ARFGEF3: variants seen among roughly 807,000 people sequenced by gnomAD.
ARFGEF3 encodes ARFGEF family member 3.
ARFGEF3 carries 96 observed loss-of-function variants against 221.7 expected under a neutral mutation model. The ratio of observed to expected loss-of-function variants is 0.43; its 90% confidence interval spans 0.37 to 0.51. ARFGEF3 has a LOEUF of 0.51. Among genes scored for constraint, ARFGEF3 ranks in the 20% least tolerant of loss-of-function variants. The pLI is 0.00. For missense variants in ARFGEF3, 2,410 were observed against 2,789.9 expected, an observed-to-expected ratio of 0.86 and a Z score of 3.07; for synonymous variants, 1,145 against 1,126.8, an observed-to-expected ratio of 1.02 and a Z score of -0.32.
At chr6:138,173,833 C>A (rs1776886090) in intron 2 of ARFGEF3, among the ~76,000 whole-genome samples, 1 of 152,178 alleles carries the variant, frequency 6.6e-6, no homozygotes, top group Admixed American at 6.5e-5. Flanking sequence ...TGAATATACG[C>A]ATATGTACAT....
chr6:138,299,198 TAAAAAAAAA>T (rs60475752), intron 22 of ARFGEF3, among the ~76,000 whole-genome samples: 19 of 39,440 alleles, frequency 4.8e-4, no homozygotes, highest in East Asian at 1.2e-3. Context: ...CGAGACTCTG[TAAAAAAAAA>T]AAAAAAAAAA....
At chr6:138,307,497 G>A (rs1486249197) in intron 23 of ARFGEF3, 100 bp downstream of exon 23, 12 of 1,097,454 alleles carry the variant, frequency 1.1e-5, no homozygotes, top group African/African-American at 1.6e-5. Flanking sequence ...AAGACAGATT[G>A]TCAGCCATGT....
At chr6:138,232,807 C>A (rs1009530360) in intron 5 of ARFGEF3, among the ~76,000 whole-genome samples, 2 of 152,126 alleles carry the variant, frequency 1.3e-5, no homozygotes, top group African/African-American at 4.8e-5. Flanking sequence ...CCTTTAATTT[C>A]TGCCACAACT....
chr6:138,205,590 A>G (rs772729194), intron 2 of ARFGEF3, among the ~76,000 whole-genome samples: 2 of 152,244 alleles, frequency 1.3e-5, no homozygotes, highest in Non-Finnish European at 2.9e-5. Flanking sequence ...AATTGAGTGC[A>G]CTACAGTGTT....
At chr6:138,186,902 CTTTTTTT>C (rs71693484) in intron 2 of ARFGEF3, among the ~76,000 whole-genome samples, 23 of 76,044 alleles carry the variant, frequency 3.0e-4, no homozygotes, top group East Asian at 2.1e-3. Context: ...CATCCTTTTT[CTTTTTTT>C]TTTTTTTTTT....
At chr6:138,173,178 T>C (rs984974548) in intron 2 of ARFGEF3, among the ~76,000 whole-genome samples, 7 of 152,180 alleles carry the variant, frequency 4.6e-5, no homozygotes, top group South Asian at 4.1e-4. Context: ...AAGGTGTTTT[T>C]CAACTTGCTG....
chr6:138,317,175 A>G (rs1159006127), intron 26 of ARFGEF3, 76 bp from the exon 27 acceptor site: 11 of 1,529,802 alleles, frequency 7.2e-6, no homozygotes, highest in African/African-American at 2.8e-5. Context: ...TTTACATACA[A>G]TGTTTAATTG....
intron 14 of ARFGEF3, 54 bp downstream of exon 14, chr6:138,280,218 G>A (rs780847827): frequency 1.4e-5 from 22 of 1,551,440 alleles, no homozygotes; most frequent in Middle Eastern, 3.4e-4. Flanking sequence ...GACGGCTCAC[G>A]CTTTAAAGCC....
chr6:138,225,017 G>A (rs1045485240), intron 4 of ARFGEF3, among the ~76,000 whole-genome samples: 2 of 152,188 alleles, frequency 1.3e-5, no homozygotes, highest in African/African-American at 2.4e-5. Flanking sequence ...TGGGAGGGCA[G>A]TGGTAGGATG....
chr6:138,201,896 G>C (rs1224164582), intron 2 of ARFGEF3, among the ~76,000 whole-genome samples: 1 of 152,088 alleles, frequency 6.6e-6, no homozygotes, highest in East Asian at 1.9e-4. Context: ...CTCTTCCTTT[G>C]TTCCCTATTT....
intron 31 of ARFGEF3, among the ~76,000 whole-genome samples, chr6:138,324,637 AC>A (rs1780096915): frequency 6.6e-6 from 1 of 152,228 alleles, no homozygotes. Flanking sequence ...ATCATCATAT[AC>A]CAATGGCTTT....
At chr6:138,218,422 C>T in intron 4 of ARFGEF3, 2 of 1,509,238 alleles carry the variant, frequency 1.3e-6, no homozygotes, top group Non-Finnish European at 1.8e-6. Context: ...TGAATTGTAG[C>T]TCTGTAGCAT....
intron 8 of ARFGEF3, among the ~76,000 whole-genome samples, chr6:138,246,384 G>T (rs1052497726): frequency 6.6e-6 from 1 of 152,196 alleles, no homozygotes. Context: ...AAACTCACTT[G>T]TTGAATTTTA....
chr6:138,317,455 G>A (rs751806152), intron 27 of ARFGEF3, 76 bp downstream of exon 27: 15 of 1,562,128 alleles, frequency 9.6e-6, no homozygotes, highest in Admixed American at 3.6e-5. Flanking sequence ...TTCTGCAGGT[G>A]TCTGCCTGTT....
chr6:138,236,612 G>A (rs1422130782), intron 5 of ARFGEF3, among the ~76,000 whole-genome samples: 3 of 152,084 alleles, frequency 2.0e-5, no homozygotes, highest in Admixed American at 6.5e-5. Context: ...GACTATAGGC[G>A]TGCACCACCA....
chr6:138,323,778 A>G lies in ARFGEF3; in HGVS notation c.4869+5A>G. 2 of 1,611,862 alleles carry G rather than the reference A, an allele frequency of 1.2e-6. No individual in the cohort carries two copies. Among genetic ancestry groups the G allele is most frequent in the Non-Finnish European group, 1.7e-6 (2 of 1,178,004 alleles). Reference sequence around the variant, plus strand: ...GCCACACTCAAGCCAGTGAAGGTACATCACTGGGAGGAAGCCCTCCCTGGC... The same window carrying G: ...GCCACACTCAAGCCAGTGAAGGTACGTCACTGGGAGGAAGCCCTCCCTGGC... On this transcript the variant is annotated splice_donor_5th_base_variant and intron_variant, in intron 30 of 33. Transcript: ENST00000251691.
At chr6:138,180,896 G>T (rs186616741) in intron 2 of ARFGEF3, among the ~76,000 whole-genome samples, 1 of 152,340 alleles carries the variant, frequency 6.6e-6, no homozygotes, top group African/African-American at 2.4e-5. Flanking sequence ...GCTGAAATCT[G>T]TGTTAGAAAT....
rs748354605 is a variant in ARFGEF3 at position 138,294,017 on chromosome 6, G to A, written c.3393G>A (p.Lys1131=). The A allele has an allele frequency of 2.7e-5, 43 of 1,613,850 alleles. No homozygotes were observed. The highest frequency in any genetic ancestry group is 3.5e-5 in the Non-Finnish European group (41 of 1,179,876). The change falls in exon 20 of 34, where the codon AAG becomes AAA. Residue 1131 remains lysine (K), a synonymous_variant. Transcript: ENST00000251691. ...GGCTCTTTGAAGATGCTACGGATAA[G>A]TTGAACCTCATGGCCTTGGGAGGTT... ...ADRLFEDATD[K]LNLMALGGFL...
chr6:138,193,045 T>TAA (rs993900004), intron 2 of ARFGEF3, among the ~76,000 whole-genome samples: 12 of 152,310 alleles, frequency 7.9e-5, no homozygotes, highest in Admixed American at 4.6e-4. Context: ...TTCAACTGGC[T>TAA]AAAGGTTAGT....
Sources: gnomAD v4.1 joint callset for allele counts (sites outside exome capture counted in the v4.1 genomes callset) on GRCh38, gnomAD v4.1.1 for gene constraint, MANE v1.5 for transcripts, NCBI Gene and HGNC (gene_info 2026-07-23, HGNC 2026-07-21) for gene names.